Variants in CENATAC observed in about 807,000 individuals in gnomAD.
CENATAC encodes centrosomal AT-AC splicing factor.
Under a neutral mutation model 53.7 loss-of-function variants are expected in CENATAC, and 53 were observed. The ratio of observed to expected loss-of-function variants is 0.99; its 90% confidence interval spans 0.79 to 1.24. The LOEUF is 1.24. CENATAC is among the 50% of genes most tolerant of loss of function. The pLI, the probability that CENATAC is intolerant of heterozygous loss-of-function variation, is 0.00. For missense variants in CENATAC, 474 were observed against 417.8 expected (o/e 1.13, Z -1.17); for synonymous variants, 156 against 144.6 (o/e 1.08, Z -0.57).
rs1182396636 is a variant in CENATAC at position 118,998,995 on chromosome 11, T to A, written c.285-16T>A. ...TATAATCTATAGCTGAGATTACTTA[T>A]CCTCTCCATTTTCAGCCCAGAGCAC... On this transcript the variant is annotated splice_polypyrimidine_tract_variant and intron_variant, in intron 2 of 10. Coordinates refer to ENST00000334418, the MANE Select transcript of CENATAC (RefSeq NM_198489.3). The A allele has an allele frequency of 3.2e-6, 5 of 1,572,424 alleles. No individual in the cohort carries two copies. Among genetic ancestry groups the A allele is most frequent in the Middle Eastern group, 1.7e-4 (1 of 6,012 alleles).
intron 3 of CENATAC, chr11:119,003,620 T>C (rs1592055478): frequency 7.2e-6 from 1 of 138,904 alleles, no homozygotes; most frequent in Non-Finnish European, 1.3e-5. Flanking sequence ...TATTTCTCTC[T>C]CTTTTTTTTT....
At chr11:119,011,381 T>TTC in intron 5 of CENATAC, 98 bp downstream of exon 5, 10 of 733,350 alleles carry the variant, frequency 1.4e-5, no homozygotes, top group East Asian at 4.2e-5. Flanking sequence ...CTTCTTCTTC[T>TTC]TTTTTTTTTG....
In CENATAC at chr11:119,011,237, G is replaced by T; in HGVS notation, c.467G>T (p.Arg156Leu). Residue 156 changes from arginine to leucine, a missense_variant, in exon 5 of 11, where the codon CGT (arginine) becomes CTT (leucine). Transcript: ENST00000334418. The part of the protein sequence containing the change: ...KVIKEMAAQI[R>L]EVEQSRQEVV... ...CTCCCACAGATGGCAGCTCAGATCC[G>T]TGAGGTGGAGCAGAGCCGACAGGAG... 6.2e-7 allele frequency: 1 copy of T among 1,614,040 alleles called. No individual in the cohort carries two copies. Among genetic ancestry groups the T allele is most frequent in the Non-Finnish European group, 8.5e-7 (1 of 1,179,922 alleles).
intron 8 of CENATAC, 76 bp from the exon 9 acceptor site, chr11:119,014,918 A>G: frequency 1.0e-6 from 1 of 979,212 alleles, no homozygotes; most frequent in Non-Finnish European, 1.5e-6. Flanking sequence ...AGGAGAGGTA[A>G]GCTAACAGCT....
Position 119,015,706 on chromosome 11 carries a change from C to A in CENATAC, c.*108C>A. On this transcript the variant is annotated 3_prime_UTR_variant, in exon 11 of 11. Coordinates refer to ENST00000334418, the MANE Select transcript of CENATAC (RefSeq NM_198489.3). ...GTCTTTCTTAGGAAACAGACATACT[C>A]ATTCATTTGATTTAATAAAGTTTTA... The A allele has an allele frequency of 7.7e-7, 1 of 1,302,520 alleles. No individual in the cohort carries two copies. The highest frequency in any genetic ancestry group is 1.3e-5 in the South Asian group (1 of 79,892). The allele number at this position is 1,302,520 out of a possible 1,614,324, so 80.7% of individuals were successfully genotyped here.
At chr11:119,001,448 G>A (rs1942291480) in intron 3 of CENATAC, among the ~76,000 whole-genome samples, 1 of 151,950 alleles carries the variant, frequency 6.6e-6, no homozygotes, top group Non-Finnish European at 1.5e-5. Flanking sequence ...GTGGAGTACA[G>A]TGGTGCGATC....
At chr11:118,999,712 C>A (rs535156298) in intron 3 of CENATAC, among the ~76,000 whole-genome samples, 1 of 152,086 alleles carries the variant, frequency 6.6e-6, no homozygotes, top group Non-Finnish European at 1.5e-5. Flanking sequence ...GCGCGATCTC[C>A]GCTCACTGCA....
At chr11:119,012,389 G>A (rs1942910796) in intron 7 of CENATAC, 135 bp downstream of exon 7, 4 of 956,850 alleles carry the variant, frequency 4.2e-6, no homozygotes, top group South Asian at 1.7e-5. Flanking sequence ...CTGTTCCCTA[G>A]TAGTGTTCTC....
At chr11:119,004,551 T>C (rs1942480964) in intron 3 of CENATAC, 1 of 152,124 alleles carries the variant, frequency 6.6e-6, no homozygotes, top group African/African-American at 2.4e-5. Flanking sequence ...CAGCCTGATT[T>C]TCAGATTTTT....
chr11:119,003,503 G>A, intron 3 of CENATAC: 1 of 401,646 alleles, frequency 2.5e-6, no homozygotes, highest in South Asian at 2.1e-5. Context: ...TCACCATGTT[G>A]GCCAAACTGG....
rs35743043 is a variant in CENATAC, at chr11:119,013,777, T to TTA, written c.715+515_715+516insTA. On this transcript the variant is annotated intron_variant, in intron 8 of 10. Transcript: ENST00000334418. Reference sequence around the variant, plus strand: ...CGTGCCCGGACTTTTTTTTTTTTTTTAAATAAAGTTGGCCAAGATAAAGCG... The same window carrying TTA: ...CGTGCCCGGACTTTTTTTTTTTTTTTTAAAATAAAGTTGGCCAAGATAAAGCG... 8.1e-3 allele frequency among the ~76,000 whole-genome samples: 1,230 copies of TTA among 151,148 alleles called. 18 individuals are homozygous for TTA. Among genetic ancestry groups the TTA allele is most frequent in the African/African-American group, 0.028 (1,160 of 40,942 alleles).
rs372399464 is a variant in CENATAC at position 118,998,567 on chromosome 11, C to A, written c.258C>A (p.Tyr86Ter). Residue 86 changes from tyrosine (Y) to a stop codon, truncating the protein, a stop_gained, in exon 2 of 11, where the codon TAC becomes TAA. Coordinates refer to ENST00000334418, the MANE Select transcript of CENATAC (RefSeq NM_198489.3). LOFTEE classifies it high-confidence loss of function. ...HLSHGNLTVL[Y>*]GGLLEHLASP... Reference sequence around the variant, plus strand: ...GCCATGGAAACCTGACGGTGCTGTACGGGGGGCTGCTGGAGCATCTGGCCA... The same window carrying A: ...GCCATGGAAACCTGACGGTGCTGTAAGGGGGGCTGCTGGAGCATCTGGCCA... 7 of 1,574,050 alleles carry A rather than the reference C, an allele frequency of 4.4e-6. No homozygotes were observed. Among genetic ancestry groups the A allele is most frequent in the African/African-American group, 4.1e-5 (3 of 73,984 alleles).
chr11:119,006,064 G>A (rs1477831761), intron 3 of CENATAC: 1 of 133,648 alleles, frequency 7.5e-6, no homozygotes, highest in African/African-American at 2.9e-5. Context: ...TTGGCCTTCA[G>A]AGTAGGCAGG....
chr11:119,001,681 G>A (rs1382425838), intron 3 of CENATAC: 6 of 455,880 alleles, frequency 1.3e-5, no homozygotes, highest in Admixed American at 2.4e-5. Flanking sequence ...AAGTGAACTC[G>A]TGCAGTTCAA....
intron 3 of CENATAC, among the ~76,000 whole-genome samples, chr11:119,008,708 G>GGT (rs1942727572): frequency 6.6e-6 from 1 of 152,178 alleles, no homozygotes; most frequent in African/African-American, 2.4e-5. Flanking sequence ...GAGACAGTCA[G>GGT]GTCTTTCTCA....
chr11:119,005,357 T>C (rs1034739080), intron 3 of CENATAC, among the ~76,000 whole-genome samples: 1 of 151,746 alleles, frequency 6.6e-6, no homozygotes, highest in African/African-American at 2.4e-5. Flanking sequence ...TCCCAGCTAC[T>C]TGGGAGGCTG....
rs1487107026 is a variant in CENATAC, at chr11:119,005,732, G to A, written c.384-5032G>A. The stretch of plus-strand genomic sequence containing the variant: ...TGGAAATTAGAGACCTGCCTTCCAG[G>A]TTAGTCTACAGAAAGTCTAGTTGTG... On this transcript the variant is annotated intron_variant, in intron 3 of 10. Transcript: ENST00000334418. The A allele has an allele frequency of 3.3e-5, 5 of 151,902 alleles. No individual in the cohort carries two copies. In the South Asian group the frequency reaches 1.0e-3, roughly 32 times the overall value. The allele number at this position is 151,902 out of a possible 1,614,324, so 9.4% of individuals were successfully genotyped here. A position where few individuals can be genotyped will look rare whatever the true frequency, so the allele number is the denominator to read the frequency against.
Position 119,014,984 on chromosome 11 carries a change from T to C in CENATAC, c.716-10T>C, listed in dbSNP as rs190557381. 0.016 allele frequency: 24,778 copies of C among 1,561,204 alleles called. 243 individuals carry two copies. Among genetic ancestry groups the C allele is most frequent in the Middle Eastern group, 0.022 (129 of 5,768 alleles). On this transcript the variant is annotated splice_polypyrimidine_tract_variant and intron_variant, in intron 8 of 10. Coordinates refer to ENST00000334418, the MANE Select transcript of CENATAC (RefSeq NM_198489.3). Reference sequence around the variant, plus strand: ...AAAAAAAAAAAAAAAAGCCTTAATTTTTTTTTCAGGTGCCACACCTCCCTG... The same window carrying C: ...AAAAAAAAAAAAAAAAGCCTTAATTCTTTTTTCAGGTGCCACACCTCCCTG...
intron 3 of CENATAC, among the ~76,000 whole-genome samples, chr11:119,002,484 T>C (rs1391925768): frequency 2.0e-5 from 3 of 151,118 alleles, no homozygotes; most frequent in African/African-American, 7.3e-5. Context: ...AATTACAGGC[T>C]TGTGCCACTA....
Sources: gnomAD v4.1 joint callset for allele counts (sites outside exome capture counted in the v4.1 genomes callset) on GRCh38, gnomAD v4.1.1 for gene constraint, MANE v1.5 for transcripts, NCBI Gene and HGNC (gene_info 2026-07-23, HGNC 2026-07-21) for gene names.